PRIM2: variants seen among roughly 807,000 people sequenced by gnomAD.
The protein encoded by PRIM2 is DNA primase subunit 2, also known as DNA primase large subunit.
PRIM2 carries 39 observed loss-of-function variants against 67.3 expected under a neutral mutation model. The ratio of observed to expected loss-of-function variants is 0.58; its 90% CI spans 0.45 to 0.76. The LOEUF (loss-of-function observed/expected upper bound fraction) is 0.76, where lower values mean the gene tolerates loss of function less well. Among genes scored for constraint, PRIM2 ranks in the 30% least tolerant of loss-of-function variants. The probability of loss-of-function intolerance (pLI) is 0.00; values close to 1 mark genes in which losing one functional copy is unlikely to be tolerated. For synonymous variants in PRIM2, 143 were observed against 198.7 expected, an observed-to-expected ratio of 0.72 and a Z score of 2.36; for missense variants, 398 against 598.7, an observed-to-expected ratio of 0.66 and a Z score of 3.50.
At chr6:57,241,309 T>G in the PRIM2 span, among the ~76,000 whole-genome samples, 1 of 151,964 alleles carries the variant, frequency 6.6e-6, no homozygotes, top group Non-Finnish European at 1.5e-5. Flanking sequence ...CTCAGGAGGC[T>G]GAGACTGGAG....
At chr6:57,609,168 A>G (rs1776619618) in intron 12 of PRIM2, among the ~76,000 whole-genome samples, 2 of 152,224 alleles carry the variant, frequency 1.3e-5, no homozygotes, top group African/African-American at 4.8e-5. Flanking sequence ...GCATGGTGGT[A>G]TGCAGAGAGA....
At chr6:57,400,370 G>A (rs1321386242) in intron 7 of PRIM2, among the ~76,000 whole-genome samples, 2 of 152,122 alleles carry the variant, frequency 1.3e-5, no homozygotes, top group East Asian at 1.9e-4. Context: ...AGCTTAGTTT[G>A]GCTGGATGTG....
At chr6:57,551,431 A>C (rs1172960707) in intron 10 of PRIM2, among the ~76,000 whole-genome samples, 29 of 152,346 alleles carry the variant, frequency 1.9e-4, no homozygotes, top group African/African-American at 7.0e-4. Flanking sequence ...ACTCAGATTT[A>C]AAAAATTTGA....
At chr6:57,425,816 T>A (rs1391487894) in intron 7 of PRIM2, among the ~76,000 whole-genome samples, 11 of 152,156 alleles carry the variant, frequency 7.2e-5, no homozygotes, top group African/African-American at 2.7e-4. Context: ...ATAGTGTACC[T>A]TTTTATTAAT....
chr6:57,294,245 G>A, the PRIM2 span, among the ~76,000 whole-genome samples: 4 of 152,046 alleles, frequency 2.6e-5, no homozygotes, highest in East Asian at 5.8e-4. Context: ...TTTGGGAGGC[G>A]TAGGTGGGTG....
upstream of PRIM2, among the ~76,000 whole-genome samples, chr6:57,312,032 CGGGAGAG>C (rs977126472): frequency 0.011 from 29 of 2,524 alleles, no homozygotes; most frequent in South Asian, 0.14. Context: ...AGAGGGGAGA[CGGGAGAG>C]GGGAGAGGGG....
At chr6:57,397,997 T>C (rs9464469) in intron 7 of PRIM2, among the ~76,000 whole-genome samples, 1 of 146,544 alleles carries the variant, frequency 6.8e-6, no homozygotes, top group African/African-American at 2.6e-5. Flanking sequence ...GTCTTGCTCT[T>C]GTTCCAGGCT....
At chr6:57,236,456 T>A in the PRIM2 span, among the ~76,000 whole-genome samples, 4 of 152,164 alleles carry the variant, frequency 2.6e-5, no homozygotes, top group Admixed American at 1.3e-4. Flanking sequence ...AGGGTACATG[T>A]GCACAACGTG....
chr6:57,345,686 G>A (rs1182921251), intron 5 of PRIM2, among the ~76,000 whole-genome samples: 1 of 152,156 alleles, frequency 6.6e-6, no homozygotes, highest in Non-Finnish European at 1.5e-5. Context: ...AATTTGGGAT[G>A]AGTCCGTAGA....
intron 2 of PRIM2, among the ~76,000 whole-genome samples, chr6:57,319,869 T>C (rs762019970): frequency 3.3e-5 from 5 of 151,940 alleles, no homozygotes; most frequent in African/African-American, 4.8e-5. Context: ...AGGAGACAAT[T>C]AGAAGTTCTT....
intron 10 of PRIM2, among the ~76,000 whole-genome samples, chr6:57,556,235 T>C (rs2127476600): frequency 6.6e-6 from 1 of 152,314 alleles, no homozygotes; most frequent in Non-Finnish European, 1.5e-5. Context: ...AATTTATAGA[T>C]TCAATGCTAT....
chr6:57,290,390 G>A, the PRIM2 span, among the ~76,000 whole-genome samples: 4,892 of 152,024 alleles, frequency 0.032, 201 homozygotes, highest in African/African-American at 0.091. Flanking sequence ...ACTTAGACTC[G>A]CACACAATAA....
the PRIM2 span, among the ~76,000 whole-genome samples, chr6:57,292,394 T>A: frequency 6.6e-6 from 1 of 152,082 alleles, no homozygotes; most frequent in Non-Finnish European, 1.5e-5. Context: ...ATAGGAAGAA[T>A]CAATATCATG....
intron 10 of PRIM2, among the ~76,000 whole-genome samples, chr6:57,568,012 T>C (rs1481098179): frequency 6.6e-6 from 1 of 152,204 alleles, no homozygotes. Flanking sequence ...CTCTGATTTG[T>C]TATACAATAT....
chr6:57,417,422 G>C (rs1182285863), intron 7 of PRIM2, among the ~76,000 whole-genome samples: 1 of 152,122 alleles, frequency 6.6e-6, no homozygotes, highest in Non-Finnish European at 1.5e-5. Flanking sequence ...ACTAAGCTTA[G>C]TCACTTCTAG....
intron 7 of PRIM2, among the ~76,000 whole-genome samples, chr6:57,470,874 A>G (rs1225659440): frequency 1.3e-5 from 2 of 152,120 alleles, no homozygotes; most frequent in African/African-American, 2.4e-5. Context: ...CTCCCTGCCA[A>G]CTACCCTCTC....
chr6:57,308,509 G>A, the PRIM2 span, among the ~76,000 whole-genome samples: 1 of 152,096 alleles, frequency 6.6e-6, no homozygotes, highest in African/African-American at 2.4e-5. Flanking sequence ...GTTTTTTGAT[G>A]TCTACGCTCA....
At chr6:57,274,030 C>T in the PRIM2 span, among the ~76,000 whole-genome samples, 37 of 152,272 alleles carry the variant, frequency 2.4e-4, no homozygotes, top group Non-Finnish European at 4.0e-4. Flanking sequence ...GGTGTCAGTC[C>T]GCCCCTACTG....
chr6:57,471,541 G>T (rs1773337909), intron 7 of PRIM2, among the ~76,000 whole-genome samples: 1 of 152,132 alleles, frequency 6.6e-6, no homozygotes, highest in Admixed American at 6.5e-5. Context: ...GAAAGAAATG[G>T]ATTGACTCCA....
Sources: gnomAD v4.1 joint callset for allele counts (sites outside exome capture counted in the v4.1 genomes callset) on GRCh38, gnomAD v4.1.1 for gene constraint, MANE v1.5 for transcripts, NCBI Gene and HGNC (gene_info 2026-07-23, HGNC 2026-07-21) for gene names.